Variants in COL4A2 observed in about 807,000 individuals in gnomAD.
The protein encoded by COL4A2 is collagen type IV alpha 2 chain.
COL4A2 carries 99 observed loss-of-function variants against 200.2 expected under a neutral mutation model. That is an observed-to-expected ratio of 0.49 (90% CI 0.42 to 0.58). The LOEUF is 0.58. Among genes scored for constraint, COL4A2 ranks in the 20% least tolerant of loss-of-function variants. COL4A2 has a pLI of 0.00. For synonymous variants in COL4A2, 897 were observed against 900.6 expected (o/e 1.00, Z 0.07); for missense variants, 1,950 against 2,314.1 (o/e 0.84, Z 3.23).
intron 3 of COL4A2, among the ~76,000 whole-genome samples, chr13:110,352,962 G>T (rs904585134): frequency 6.6e-6 from 1 of 152,186 alleles, no homozygotes; most frequent in African/African-American, 2.4e-5. Flanking sequence ...GAACCTCCTG[G>T]CCCTGCGAGC....
At chr13:110,356,360 T>TC (rs1232146015) in intron 3 of COL4A2, among the ~76,000 whole-genome samples, 1 of 152,174 alleles carries the variant, frequency 6.6e-6, no homozygotes, top group African/African-American at 2.4e-5. Flanking sequence ...GTGGACTTCC[T>TC]CTGCCGACAC....
chr13:110,379,835 C>T (rs1296147114), intron 4 of COL4A2, among the ~76,000 whole-genome samples: 1 of 152,154 alleles, frequency 6.6e-6, no homozygotes, highest in Non-Finnish European at 1.5e-5. Context: ...GGTCCCTTGT[C>T]ATTATTTGGG....
intron 4 of COL4A2, among the ~76,000 whole-genome samples, chr13:110,393,450 A>T (rs1346650093): frequency 1.3e-5 from 2 of 152,084 alleles, no homozygotes; most frequent in African/African-American, 4.8e-5. Context: ...AAAATGAAAT[A>T]TTTCTGTTGA....
chr13:110,509,266 T>C (rs1027932860), intron 47 of COL4A2, among the ~76,000 whole-genome samples: 37 of 118,274 alleles, frequency 3.1e-4, no homozygotes, highest in East Asian at 7.8e-4. Context: ...TATATATATA[T>C]ATATACACAC....
chr13:110,494,454 G>A (rs998660120), intron 39 of COL4A2, among the ~76,000 whole-genome samples: 9 of 152,106 alleles, frequency 5.9e-5, no homozygotes, highest in Non-Finnish European at 1.2e-4. Context: ...AATAACATTT[G>A]AAGGACATCA....
Position 110,424,877 on chromosome 13 carries a change from C to T in COL4A2, c.315+9C>T, listed in dbSNP as rs761236162. On this transcript the variant is annotated intron_variant, in intron 5 of 47. Transcript: ENST00000360467. ...GACCCAAGGGCGACGTGGTACGCAC[C>T]GCTGGTGTATTCCCCTGGCCTCATG... 1.1e-5 allele frequency: 17 copies of T among 1,614,060 alleles called. No homozygotes were observed. Among genetic ancestry groups the T allele is most frequent in the Non-Finnish European group, 1.4e-5 (16 of 1,179,998 alleles).
intron 3 of COL4A2, among the ~76,000 whole-genome samples, chr13:110,337,313 G>T (rs1876240234): frequency 1.3e-5 from 2 of 152,220 alleles, no homozygotes; most frequent in African/African-American, 4.8e-5. Flanking sequence ...CTGCTGTTTG[G>T]AATCATAAAC....
intron 3 of COL4A2, among the ~76,000 whole-genome samples, chr13:110,333,768 G>A (rs56048518): frequency 0.11 from 17,160 of 152,186 alleles, 1,249 homozygotes; most frequent in East Asian, 0.37. Flanking sequence ...TGGGCCTTGG[G>A]CAGTCCCATC....
chr13:110,509,727 A>T (rs879654142), intron 47 of COL4A2, among the ~76,000 whole-genome samples: 1 of 152,196 alleles, frequency 6.6e-6, no homozygotes, highest in Non-Finnish European at 1.5e-5. Context: ...AGCAGACATT[A>T]TCCTCTGCAC....
At chr13:110,364,462 G>A (rs1161988690) in intron 4 of COL4A2, among the ~76,000 whole-genome samples, 1 of 152,172 alleles carries the variant, frequency 6.6e-6, no homozygotes. Context: ...GGCGAGTGGA[G>A]GAGGGGCCAG....
intron 4 of COL4A2, among the ~76,000 whole-genome samples, chr13:110,385,563 ACCGTGGCTGCAGTGTGTGGATAGG>A (rs1878680157): frequency 1.1e-4 from 3 of 26,476 alleles, no homozygotes; most frequent in Admixed American, 3.9e-4. Flanking sequence ...GTGTGGATAG[ACCGTGGCTGCAGTGTGTGGATAGG>A]CCGTGGTTAC....
At chr13:110,350,156 C>T (rs1876890722) in intron 3 of COL4A2, among the ~76,000 whole-genome samples, 1 of 152,186 alleles carries the variant, frequency 6.6e-6, no homozygotes, top group South Asian at 2.1e-4. Context: ...CAAGAAATCC[C>T]TCACTCAAAG....
chr13:110,439,826 G>A lies in COL4A2; in HGVS notation c.950G>A (p.Gly317Glu). ...TTGAGTGGTGAAAAAGGATCACCAG[G>A]ACAGAAGGTAAGTTGGATGCATGAA... ...PGLSGEKGSP[G>E]QKGSRGLDGY... The change falls in exon 16 of 48, where the codon GGA (glycine) becomes GAA (glutamate). Residue 317 changes from glycine (G) to glutamate (E), a missense_variant. Transcript: ENST00000360467. The A allele has an allele frequency of 6.2e-7, 1 of 1,613,980 alleles. No homozygotes were observed. Among genetic ancestry groups the A allele is most frequent in the Non-Finnish European group, 8.5e-7 (1 of 1,179,998 alleles).
At chr13:110,407,321 C>G (rs1457918123) in intron 4 of COL4A2, among the ~76,000 whole-genome samples, 1 of 152,192 alleles carries the variant, frequency 6.6e-6, no homozygotes, top group East Asian at 1.9e-4. Context: ...TTCAGTTCAC[C>G]AGGAGAAACG....
intron 39 of COL4A2, among the ~76,000 whole-genome samples, chr13:110,493,898 G>A (rs948212841): frequency 2.6e-5 from 4 of 152,110 alleles, no homozygotes; most frequent in Non-Finnish European, 5.9e-5. Context: ...TCTTATAAGG[G>A]CAGTAACCCC....
At chr13:110,310,432 A>C (rs1313076089) in intron 3 of COL4A2, among the ~76,000 whole-genome samples, 1 of 151,338 alleles carries the variant, frequency 6.6e-6, no homozygotes, top group East Asian at 2.0e-4. Flanking sequence ...TTGCCAATTC[A>C]CTTTATTTTC....
intron 39 of COL4A2, among the ~76,000 whole-genome samples, chr13:110,494,366 A>C (rs1883383704): frequency 6.6e-6 from 1 of 152,158 alleles, no homozygotes; most frequent in Admixed American, 6.5e-5. Flanking sequence ...TCTTTATTTT[A>C]AATTCAGCTA....
chr13:110,450,689 G>A (rs527437943), intron 20 of COL4A2, among the ~76,000 whole-genome samples: 6 of 152,292 alleles, frequency 3.9e-5, no homozygotes, highest in South Asian at 4.1e-4. Flanking sequence ...TCACAGCCCC[G>A]TGGATGCCAC....
chr13:110,388,277 G>T (rs990043072), intron 4 of COL4A2, among the ~76,000 whole-genome samples: 4 of 152,232 alleles, frequency 2.6e-5, no homozygotes, highest in African/African-American at 9.6e-5. Context: ...CAGCCAGGCA[G>T]CTGCCGGCAC....
Sources: allele counts gnomAD v4.1 joint callset (sites outside exome capture counted in the v4.1 genomes callset), GRCh38; gene constraint gnomAD v4.1.1; transcripts MANE v1.5; gene names NCBI Gene and HGNC (gene_info 2026-07-23, HGNC 2026-07-21).